Variants in KCTD8 observed in about 807,000 individuals in gnomAD.
KCTD8 encodes BTB/POZ domain-containing protein KCTD8.
A neutral mutation model predicts 31.5 loss-of-function variants in KCTD8; 27 were observed. That is an observed-to-expected ratio of 0.86 (90% CI 0.63 to 1.18). The LOEUF is 1.18. Ranked by LOEUF, KCTD8 falls within the 50% of genes most tolerant of loss-of-function variation. The pLI is 0.00. For missense variants in KCTD8, 658 were observed against 647.7 expected (o/e 1.02, Z -0.17); for synonymous variants, 290 against 280.0 (o/e 1.04, Z -0.36).
intron 1 of KCTD8, among the ~76,000 whole-genome samples, chr4:44,222,699 T>C (rs572533604): frequency 3.3e-4 from 51 of 152,312 alleles, no homozygotes; most frequent in African/African-American, 1.2e-3. Flanking sequence ...TCTGGAACTA[T>C]ACACAGAGGA....
At chr4:44,412,226 A>C (rs1720978638) in intron 1 of KCTD8, among the ~76,000 whole-genome samples, 1 of 152,174 alleles carries the variant, frequency 6.6e-6, no homozygotes, top group African/African-American at 2.4e-5. Context: ...CCTGAAACTC[A>C]ATTATATCAG....
chr4:44,444,088 G>A (rs1268642974), intron 1 of KCTD8, among the ~76,000 whole-genome samples: 1 of 152,082 alleles, frequency 6.6e-6, no homozygotes, highest in Non-Finnish European at 1.5e-5. Flanking sequence ...ACAGATATAA[G>A]GGTTCATGTA....
intron 1 of KCTD8, among the ~76,000 whole-genome samples, chr4:44,259,564 A>G (rs961955026): frequency 2.0e-5 from 3 of 151,986 alleles, no homozygotes; most frequent in Non-Finnish European, 4.4e-5. Context: ...AAATCTCTCA[A>G]GGTGAAAATG....
chr4:44,408,306 T>C (rs1244587005), intron 1 of KCTD8, among the ~76,000 whole-genome samples: 1 of 151,864 alleles, frequency 6.6e-6, no homozygotes, highest in East Asian at 1.9e-4. Context: ...AATCATGAAA[T>C]AGTTGTTAAA....
intron 1 of KCTD8, among the ~76,000 whole-genome samples, chr4:44,284,961 G>A (rs970647402): frequency 6.6e-6 from 1 of 152,152 alleles, no homozygotes; most frequent in Non-Finnish European, 1.5e-5. Flanking sequence ...TCATTAAAAA[G>A]TCAGGAAACA....
At chr4:44,227,439 T>G (rs1184272594) in intron 1 of KCTD8, among the ~76,000 whole-genome samples, 2 of 152,072 alleles carry the variant, frequency 1.3e-5, no homozygotes, top group African/African-American at 4.8e-5. Flanking sequence ...CTTTTAGACA[T>G]ATCAGGGTAG....
intron 1 of KCTD8, among the ~76,000 whole-genome samples, chr4:44,445,738 A>C (rs1301282393): frequency 6.6e-6 from 1 of 152,176 alleles, no homozygotes; most frequent in East Asian, 1.9e-4. Context: ...TATCTTCTCT[A>C]ACAAAAAACA....
At chr4:44,409,099 A>C (rs1267694303) in intron 1 of KCTD8, among the ~76,000 whole-genome samples, 1 of 151,658 alleles carries the variant, frequency 6.6e-6, no homozygotes, top group Non-Finnish European at 1.5e-5. Flanking sequence ...CAAAATTAGC[A>C]GGGAGTGGTA....
intron 1 of KCTD8, among the ~76,000 whole-genome samples, chr4:44,187,928 A>G (rs1050385214): frequency 1.3e-5 from 2 of 151,804 alleles, no homozygotes; most frequent in African/African-American, 2.4e-5. Flanking sequence ...CTCAGTGACA[A>G]TAAGGGAAGC....
intron 1 of KCTD8, among the ~76,000 whole-genome samples, chr4:44,403,202 A>C (rs1463831002): frequency 2.5e-5 from 2 of 79,104 alleles, no homozygotes; most frequent in African/African-American, 7.4e-5. Flanking sequence ...AGCAAAATAG[A>C]ATTTGTCAAA....
intron 1 of KCTD8, among the ~76,000 whole-genome samples, chr4:44,278,066 A>G (rs1157356655): frequency 6.6e-6 from 1 of 151,962 alleles, no homozygotes; most frequent in Non-Finnish European, 1.5e-5. Context: ...TGAGTTCCTG[A>G]CACAGTTACC....
rs545459152 is a variant in KCTD8, at chr4:44,336,173, A to AG, written c.961+111389_961+111390insC. Among the ~76,000 whole-genome samples, 259 of 139,210 alleles carry AG rather than the reference A, an allele frequency of 1.9e-3. 16 individuals carry two copies. Among genetic ancestry groups the AG allele is most frequent in the South Asian group, 5.1e-3 (22 of 4,336 alleles). 91.3% of individuals were successfully genotyped at this position (139,210 alleles called of 152,430 possible). ...TCAAAAAAAAAAAAAAAAAAAAAAA[A>AG]AAAGAAAAAATATAAAATTTAAATT... is the stretch of plus-strand genomic sequence containing the variant. On this transcript the variant is annotated intron_variant, in intron 1 of 1. Coordinates refer to ENST00000360029, the MANE Select transcript of KCTD8 (RefSeq NM_198353.3).
chr4:44,437,309 A>T (rs1016895863), intron 1 of KCTD8, among the ~76,000 whole-genome samples: 2 of 152,178 alleles, frequency 1.3e-5, no homozygotes, highest in African/African-American at 4.8e-5. Flanking sequence ...TGCAGTCTAA[A>T]GTCAGGCAAT....
chr4:44,426,078 G>C (rs913315854), intron 1 of KCTD8, among the ~76,000 whole-genome samples: 2 of 146,224 alleles, frequency 1.4e-5, no homozygotes, highest in African/African-American at 5.0e-5. Flanking sequence ...TACTAAAAAG[G>C]AAAGAAAAAT....
At chr4:44,352,460 AAAAAG>A (rs1719227780) in intron 1 of KCTD8, among the ~76,000 whole-genome samples, 1 of 149,744 alleles carries the variant, frequency 6.7e-6, no homozygotes, top group African/African-American at 2.4e-5. Flanking sequence ...TGGAAATAGT[AAAAAG>A]AGAATAGAAT....
intron 1 of KCTD8, among the ~76,000 whole-genome samples, chr4:44,296,630 A>G (rs1352447726): frequency 6.6e-6 from 1 of 152,146 alleles, no homozygotes; most frequent in Non-Finnish European, 1.5e-5. Context: ...CTCTTTAATA[A>G]GTTCATAAAA....
chr4:44,380,031 TTATACAGA>T (rs937280966), intron 1 of KCTD8, among the ~76,000 whole-genome samples: 123 of 152,182 alleles, frequency 8.1e-4, no homozygotes, highest in African/African-American at 2.9e-3. Flanking sequence ...ATTATCTAGC[TTATACAGA>T]TATACATACT....
rs183088651 is a variant in KCTD8, at chr4:44,292,616, T to C, written c.962-117366A>G. On this transcript the variant is annotated intron_variant, in intron 1 of 1. Transcript: ENST00000360029. ...CAAACCTGCACCTTTACCCTCTGAA[T>C]CTAAAATAAAAGTTGAAATTATTTT... Among the ~76,000 whole-genome samples, 384 of 152,164 alleles carry C rather than the reference T, an allele frequency of 2.5e-3. 1 individual carries two copies. The highest frequency in any genetic ancestry group is 8.5e-3 in the African/African-American group (353 of 41,518).
intron 1 of KCTD8, among the ~76,000 whole-genome samples, chr4:44,255,356 G>A (rs1715961282): frequency 6.6e-6 from 1 of 151,674 alleles, no homozygotes; most frequent in Non-Finnish European, 1.5e-5. Flanking sequence ...TCTCAATATA[G>A]TTATAATTTT....
Sources: allele counts gnomAD v4.1 joint callset (sites outside exome capture counted in the v4.1 genomes callset), GRCh38; gene constraint gnomAD v4.1.1; transcripts MANE v1.5; gene names NCBI Gene and HGNC (gene_info 2026-07-23, HGNC 2026-07-21).